The following RBMS1 variants were observed in gnomAD, a reference collection of about 807,000 sequenced individuals.
The protein encoded by RBMS1 is RNA binding motif single stranded interacting protein 1.
Under a neutral mutation model 62.3 loss-of-function variants are expected in RBMS1, and 17 were observed. That is an observed-to-expected ratio of 0.27 (90% CI 0.19 to 0.41). The LOEUF (loss-of-function observed/expected upper bound fraction) is 0.41. Ranked by LOEUF, RBMS1 falls within the 10% of genes least tolerant of loss-of-function variation. RBMS1 has a pLI of 1.00. For synonymous variants in RBMS1, 172 were observed against 170.0 expected (o/e 1.01, Z -0.09); for missense variants, 334 against 504.5 (o/e 0.66, Z 3.24).
intron 1 of RBMS1, chr2:160,407,983 C>G: frequency 2.2e-6 from 2 of 929,926 alleles, no homozygotes; most frequent in Non-Finnish European, 2.6e-6. Context: ...CCTCCCCGCC[C>G]GCCCGCTGGG....
intron 2 of RBMS1, among the ~76,000 whole-genome samples, chr2:160,325,173 A>G (rs566096692): frequency 6.6e-6 from 1 of 152,168 alleles, no homozygotes; most frequent in East Asian, 1.9e-4. Context: ...ATTGAAAGTA[A>G]TTCCCAGTTT....
intron 1 of RBMS1, among the ~76,000 whole-genome samples, chr2:160,379,297 T>C (rs1459346287): frequency 1.3e-5 from 2 of 152,236 alleles, no homozygotes; most frequent in Non-Finnish European, 1.5e-5. Context: ...TGTTTCTAAT[T>C]TGACCTAAGC....
At chr2:160,304,271 G>T (rs571840760) in intron 4 of RBMS1, among the ~76,000 whole-genome samples, 1 of 152,264 alleles carries the variant, frequency 6.6e-6, no homozygotes, top group Admixed American at 6.5e-5. Flanking sequence ...CTAAAAGCAA[G>T]GAGAATAATT....
At chr2:160,449,217 G>C (rs896364624) in intron 1 of RBMS1, among the ~76,000 whole-genome samples, 4 of 148,204 alleles carry the variant, frequency 2.7e-5, no homozygotes, top group African/African-American at 1.0e-4. Context: ...GGCAGCCCCC[G>C]CCAGGCCAGC....
At chr2:160,335,354 C>T (rs567673190) in intron 2 of RBMS1, among the ~76,000 whole-genome samples, 9 of 152,206 alleles carry the variant, frequency 5.9e-5, no homozygotes, top group Non-Finnish European at 1.2e-4. Flanking sequence ...TGGCAGCATC[C>T]GATTCACCAA....
chr2:160,280,800 G>C (rs538528623), intron 10 of RBMS1, among the ~76,000 whole-genome samples: 1 of 151,526 alleles, frequency 6.6e-6, no homozygotes, highest in South Asian at 2.1e-4. Flanking sequence ...TATATAATAA[G>C]TATAACTCAT....
At chr2:160,333,003 A>G (rs1259340880) in intron 2 of RBMS1, among the ~76,000 whole-genome samples, 4 of 152,116 alleles carry the variant, frequency 2.6e-5, no homozygotes, top group South Asian at 4.2e-4. Context: ...AAATAAGTAT[A>G]AACTATTTTA....
intron 10 of RBMS1, 110 bp downstream of exon 10, chr2:160,281,204 G>C (rs758854432): frequency 2.1e-5 from 15 of 722,396 alleles, no homozygotes; most frequent in Admixed American, 1.3e-4. Flanking sequence ...CATATTCCAT[G>C]TTTAAAATTT....
At chr2:160,353,321 T>A (rs1346458065) in intron 2 of RBMS1, among the ~76,000 whole-genome samples, 1 of 152,132 alleles carries the variant, frequency 6.6e-6, no homozygotes, top group African/African-American at 2.4e-5. Context: ...CTGTCAACCC[T>A]TGGAGACTGG....
rs75195797 is a variant in RBMS1, at chr2:160,367,199, G to A, written c.251+17C>T. On this transcript the variant is annotated intron_variant, in intron 2 of 13. Coordinates refer to ENST00000348849, the MANE Select transcript of RBMS1 (RefSeq NM_016836.4). ...AAATACTTAGCAGCTAAAATAATAGGAACAACTACTACTTACGGTTGACAG... is the reference window on the plus strand; with the variant it reads ...AAATACTTAGCAGCTAAAATAATAGAAACAACTACTACTTACGGTTGACAG... 2.6e-3 allele frequency: 4,208 copies of A among 1,605,642 alleles called. 92 individuals carry two copies. The African/African-American group carries it at 0.047, about 18-fold the overall frequency.
intron 1 of RBMS1, chr2:160,407,422 G>A (rs1695798163): frequency 1.0e-6 from 1 of 986,002 alleles, no homozygotes; most frequent in Non-Finnish European, 1.2e-6. Context: ...TTGTAACGCG[G>A]GGCTCGCCGA....
At chr2:160,361,762 G>A (rs953181534) in intron 2 of RBMS1, among the ~76,000 whole-genome samples, 1 of 152,192 alleles carries the variant, frequency 6.6e-6, no homozygotes, top group Non-Finnish European at 1.5e-5. Context: ...AGGCTGCAGT[G>A]CACTACAATC....
Position 160,414,840 on chromosome 2 carries a change from C to G in RBMS1, c.76-47449G>C, listed in dbSNP as rs572444144. On this transcript the variant is annotated intron_variant, in intron 1 of 13. Coordinates refer to ENST00000348849, the MANE Select transcript of RBMS1 (RefSeq NM_016836.4). ...CCAGCCTGGGCAACAGAGCAAGACC[C>G]TGTCTCAAAAAAAAAAAAAAAATCT... is the stretch of plus-strand genomic sequence containing the variant. Among the ~76,000 whole-genome samples, 3 of 140,820 alleles carry G rather than the reference C, an allele frequency of 2.1e-5. No homozygotes were observed. In the East Asian group the frequency reaches 6.2e-4, roughly 29 times the overall value. The allele number at this position is 140,820 out of a possible 152,430, so 92.4% of individuals were successfully genotyped here. A position where few individuals can be genotyped will look rare whatever the true frequency, so the allele number is the denominator to read the frequency against.
intron 1 of RBMS1, among the ~76,000 whole-genome samples, chr2:160,476,169 T>C (rs1685118719): frequency 6.6e-6 from 1 of 152,116 alleles, no homozygotes; most frequent in African/African-American, 2.4e-5. Flanking sequence ...CCGCCTCCCT[T>C]TTCTATACAC....
In RBMS1 at chr2:160,287,033, C is replaced by G. The variant is rs538096302; in HGVS notation, c.692G>C (p.Arg231Thr). Residue 231 changes from arginine (R) to threonine (T), a missense_variant, in exon 7 of 14, where the codon AGA becomes ACA. Transcript: ENST00000348849. ...CKFADGGQKK[R>T]QNPNKYIPNG... is the part of the protein sequence containing the mutation. ...AGGGATGTATTTGTTTGGGTTCTGT[C>G]TCTTTTTCTGTCCTCCATCAGCAAA... 1 of 1,613,050 alleles carries G rather than the reference C, an allele frequency of 6.2e-7. No individual in the cohort carries two copies. The highest frequency in any genetic ancestry group is 8.5e-7 in the Non-Finnish European group (1 of 1,179,910).
rs1409522099 is a variant in RBMS1 at position 160,275,697 on chromosome 2, C to G, written c.1161G>C (p.Gln387His). The G allele has an allele frequency of 6.8e-6, 11 of 1,613,684 alleles. No homozygotes were observed. The highest frequency in any genetic ancestry group is 9.3e-6 in the Non-Finnish European group (11 of 1,179,732). ...AVPVEEASGQ[Q>H]QVAVETSNDH... Reference sequence around the variant, plus strand: ...CATTAGACGTCTCGACAGCCACCTGCTGTTGACCACTTGCCTCCTACAACA... The same window carrying G: ...CATTAGACGTCTCGACAGCCACCTGGTGTTGACCACTTGCCTCCTACAACA... The change falls in exon 13 of 14, where the codon CAG (glutamine) becomes CAC (histidine). Residue 387 changes from glutamine (Q) to histidine (H), a missense_variant. Gln to His is a conservative substitution (Grantham distance 24). Coordinates refer to ENST00000348849, the MANE Select transcript of RBMS1 (RefSeq NM_016836.4).
At chr2:160,384,895 G>A (rs949678806) in intron 1 of RBMS1, among the ~76,000 whole-genome samples, 3 of 152,210 alleles carry the variant, frequency 2.0e-5, no homozygotes, top group African/African-American at 7.2e-5. Context: ...GAATCATGTG[G>A]CAGATCCCTC....
intron 2 of RBMS1, among the ~76,000 whole-genome samples, chr2:160,338,396 ACTC>A (rs1296107696): frequency 1.3e-5 from 2 of 151,998 alleles, no homozygotes; most frequent in Non-Finnish European, 2.9e-5. Flanking sequence ...ACACTTTTTC[ACTC>A]CTCCTTTACT....
intron 4 of RBMS1, among the ~76,000 whole-genome samples, chr2:160,311,242 A>ATATCTATATATCTATATATC (rs1469764112): frequency 0.027 from 3,383 of 123,614 alleles, 192 homozygotes; most frequent in Non-Finnish European, 0.047. Context: ...CTATATATAT[A>ATATCTATATATCTATATATC]TATATATATA....
Sources: allele counts gnomAD v4.1 joint callset (sites outside exome capture counted in the v4.1 genomes callset), GRCh38; gene constraint gnomAD v4.1.1; transcripts MANE v1.5; gene names NCBI Gene and HGNC (gene_info 2026-07-23, HGNC 2026-07-21).